The following TESK2 variants were observed in gnomAD, a reference collection of about 807,000 sequenced individuals.
TESK2 encodes dual specificity testis-specific protein kinase 2.
Under a neutral mutation model 57.1 loss-of-function variants are expected in TESK2, and 39 were observed. The ratio of observed to expected loss-of-function variants is 0.68; its 90% CI spans 0.53 to 0.89. The LOEUF is 0.89. Ranked by LOEUF, TESK2 falls within the 40% of genes least tolerant of loss-of-function variation. TESK2 has a pLI of 0.00. For synonymous variants in TESK2, 249 were observed against 267.9 expected, an observed-to-expected ratio of 0.93 and a Z score of 0.69; for missense variants, 646 against 732.1, an observed-to-expected ratio of 0.88 and a Z score of 1.36.
intron 2 of TESK2, among the ~76,000 whole-genome samples, chr1:45,447,081 C>T (rs185594935): frequency 7.8e-4 from 118 of 152,038 alleles, no homozygotes; most frequent in Middle Eastern, 3.4e-3. Context: ...TAGCCAGGCA[C>T]GGTAATATGC....
intron 1 of TESK2, among the ~76,000 whole-genome samples, chr1:45,465,434 G>C (rs1467601958): frequency 6.9e-6 from 1 of 145,342 alleles, no homozygotes; most frequent in Admixed American, 7.0e-5. Flanking sequence ...GAGAGAGAGA[G>C]AGAAAGAGAA....
intron 1 of TESK2, among the ~76,000 whole-genome samples, chr1:45,484,213 A>AT (rs1389634166): frequency 1.4e-5 from 2 of 143,404 alleles, no homozygotes; most frequent in African/African-American, 5.2e-5. Flanking sequence ...GGTTCAAGTG[A>AT]TTCTCCTACC....
At chr1:45,429,012 G>A (rs1453272499) in intron 2 of TESK2, among the ~76,000 whole-genome samples, 7 of 151,274 alleles carry the variant, frequency 4.6e-5, no homozygotes, top group Non-Finnish European at 7.4e-5. Context: ...TAGTAGAGAC[G>A]GGGTTTCACC....
Position 45,457,566 on chromosome 1 carries a change from T to C in TESK2, c.220A>G (p.Lys74Glu), listed in dbSNP as rs1652156884. The C allele has an allele frequency of 5.0e-6, 8 of 1,613,670 alleles. No individual in the cohort carries two copies. Among genetic ancestry groups the C allele is most frequent in the Non-Finnish European group, 6.8e-6 (8 of 1,179,788 alleles). ...IGSGFFSEVF[K>E]VRHRASGQVM... ...AGAAAAGCTGAAGACTCACTCACCT[T>C]GAACACTTCAGAAAAGAAGCCAGAC... Residue 74 changes from lysine to glutamate, a missense_variant and splice_region_variant, in exon 2 of 11, where the codon AAG becomes GAG. Transcript: ENST00000372086.
chr1:45,436,211 GACTC>G (rs1260330932), intron 2 of TESK2, among the ~76,000 whole-genome samples: 2 of 27,036 alleles, frequency 7.4e-5, no homozygotes, highest in African/African-American at 1.1e-4. Context: ...TTGAGATGGA[GACTC>G]ACTCTGTCAC....
At chr1:45,430,528 A>C (rs561619077) in intron 2 of TESK2, among the ~76,000 whole-genome samples, 1 of 152,238 alleles carries the variant, frequency 6.6e-6, no homozygotes, top group African/African-American at 2.4e-5. Flanking sequence ...AGTCGTGAGT[A>C]AACCTCTCTC....
At chr1:45,460,124 G>T (rs1652271130) in intron 1 of TESK2, among the ~76,000 whole-genome samples, 1 of 143,320 alleles carries the variant, frequency 7.0e-6, no homozygotes, top group Non-Finnish European at 1.5e-5. Context: ...TCTCGGTGGT[G>T]GGATCAACAG....
chr1:45,420,506 C>A (rs1477206532), intron 3 of TESK2, among the ~76,000 whole-genome samples: 3 of 151,886 alleles, frequency 2.0e-5, no homozygotes, highest in Admixed American at 6.6e-5. Flanking sequence ...ATCCACCCAC[C>A]TTGGCCTCCC....
chr1:45,355,318 C>A lies in TESK2; in HGVS notation c.525G>T (p.Arg175=), dbSNP rs1389433281. 6.2e-7 allele frequency: 1 copy of A among 1,613,710 alleles called. No homozygotes were observed. The highest frequency in any genetic ancestry group is 1.3e-5 in the African/African-American group (1 of 74,842). ...SYLHFKGIFH[R]DLTSKNCLIK... is the part of the protein sequence containing the mutation. ...GCCTTCATACCTTAGATGTGAGGTC[C>A]CGATGAAAAATGCCTTTGAAGTGAA... Residue 175 remains arginine, a synonymous_variant, in exon 5 of 11, where the codon CGG becomes CGT. Coordinates refer to ENST00000372086, the MANE Select transcript of TESK2 (RefSeq NM_007170.3).
chr1:45,436,342 A>C (rs563452549), intron 2 of TESK2, among the ~76,000 whole-genome samples: 48 of 147,510 alleles, frequency 3.3e-4, no homozygotes, highest in Non-Finnish European at 4.8e-4. Flanking sequence ...ACACCACCAC[A>C]CCTGGATAAT....
intron 5 of TESK2, among the ~76,000 whole-genome samples, chr1:45,352,756 G>A (rs1341334435): frequency 7.2e-5 from 11 of 152,168 alleles, no homozygotes; most frequent in Non-Finnish European, 1.2e-4. Context: ...TGTGGGGGGA[G>A]TATCTGTGTA....
At chr1:45,447,854 G>A (rs2149296233) in intron 2 of TESK2, among the ~76,000 whole-genome samples, 1 of 152,004 alleles carries the variant, frequency 6.6e-6, no homozygotes, top group Admixed American at 6.5e-5. Context: ...TAACCTTATA[G>A]GACCACCATT....
At chr1:45,487,048 C>T (rs1050000565) in intron 1 of TESK2, among the ~76,000 whole-genome samples, 2 of 151,768 alleles carry the variant, frequency 1.3e-5, no homozygotes, top group Non-Finnish European at 2.9e-5. Flanking sequence ...AGGCTAGTCT[C>T]GAACTCCTGA....
chr1:45,345,662 G>T, intron 10 of TESK2, 104 bp from the exon 11 acceptor site: 3 of 1,140,170 alleles, frequency 2.6e-6, no homozygotes, highest in Non-Finnish European at 3.8e-6. Flanking sequence ...TGATACCATG[G>T]CCCTGTTTTA....
At chr1:45,452,435 C>A (rs1405798930) in intron 2 of TESK2, among the ~76,000 whole-genome samples, 1 of 152,042 alleles carries the variant, frequency 6.6e-6, no homozygotes. Context: ...ATCAACACAA[C>A]AGAAGAAGGC....
intron 4 of TESK2, among the ~76,000 whole-genome samples, chr1:45,357,287 C>T (rs754578191): frequency 9.9e-5 from 15 of 151,748 alleles, no homozygotes; most frequent in Non-Finnish European, 2.1e-4. Flanking sequence ...TGACATTCTA[C>T]ATGTCAGAAG....
chr1:45,352,267 C>T (rs527596747), intron 5 of TESK2, among the ~76,000 whole-genome samples: 4 of 152,164 alleles, frequency 2.6e-5, no homozygotes, highest in African/African-American at 4.8e-5. Context: ...CCTTAAAGTC[C>T]GGACCCAAGA....
chr1:45,418,764 T>G (rs1650346121), intron 3 of TESK2, among the ~76,000 whole-genome samples: 1 of 152,160 alleles, frequency 6.6e-6, no homozygotes, highest in Non-Finnish European at 1.5e-5. Context: ...TTTTTATATC[T>G]GTGCTTTCTA....
intron 3 of TESK2, chr1:45,399,062 G>A: frequency 5.3e-6 from 2 of 378,314 alleles, no homozygotes; most frequent in South Asian, 3.9e-5. Context: ...ATGTAGTTTT[G>A]TGCCTCTCCA....
Sources: gnomAD v4.1 joint callset for allele counts (sites outside exome capture counted in the v4.1 genomes callset) on GRCh38, gnomAD v4.1.1 for gene constraint, MANE v1.5 for transcripts, NCBI Gene and HGNC (gene_info 2026-07-23, HGNC 2026-07-21) for gene names.